Variants in EFCAB6 observed in about 807,000 individuals in gnomAD.
EFCAB6 encodes EF-hand calcium binding domain 6, also known as EF-hand calcium-binding domain-containing protein 6.
EFCAB6 carries 156 observed loss-of-function variants against 169.8 expected under a neutral mutation model. That is an observed-to-expected ratio of 0.92 (90% CI 0.81 to 1.05). The LOEUF is 1.05. Among genes scored for constraint, EFCAB6 ranks in the 50% least tolerant of loss-of-function variants. EFCAB6 has a pLI of 0.00. For missense variants in EFCAB6, 1,800 were observed against 1,829.1 expected (o/e 0.98, Z 0.29); for synonymous variants, 698 against 676.4 (o/e 1.03, Z -0.50).
intron 27 of EFCAB6, among the ~76,000 whole-genome samples, chr22:43,544,452 G>A (rs1160680956): frequency 1.3e-5 from 2 of 152,114 alleles, no homozygotes; most frequent in African/African-American, 4.8e-5. Flanking sequence ...AGACACAACA[G>A]ACACAACTGC....
At chr22:43,704,546 A>G (rs1447559864) in intron 10 of EFCAB6, among the ~76,000 whole-genome samples, 1 of 152,200 alleles carries the variant, frequency 6.6e-6, no homozygotes, top group Non-Finnish European at 1.5e-5. Flanking sequence ...AAAAGACAGA[A>G]CTATTAATAA....
chr22:43,571,361 T>G (rs911755348), intron 26 of EFCAB6, among the ~76,000 whole-genome samples: 1 of 152,232 alleles, frequency 6.6e-6, no homozygotes, highest in Non-Finnish European at 1.5e-5. Flanking sequence ...AGTTGCCGAC[T>G]GTCTTAATTA....
chr22:43,582,046 A>G (rs544785047), intron 24 of EFCAB6, among the ~76,000 whole-genome samples: 67 of 152,356 alleles, frequency 4.4e-4, no homozygotes, highest in African/African-American at 1.6e-3. Flanking sequence ...TGTGCAATGG[A>G]TCCTTATTAA....
intron 5 of EFCAB6, among the ~76,000 whole-genome samples, chr22:43,756,300 T>C (rs569166069): frequency 6.6e-5 from 10 of 152,144 alleles, no homozygotes; most frequent in Non-Finnish European, 1.3e-4. Flanking sequence ...CAGATCCAGC[T>C]CCTAACCTCT....
rs149074808 is a variant in EFCAB6, at chr22:43,555,011, C to T, written c.3506G>A (p.Arg1169His). ...ATGGGAAGTCACTGCTTTGTGGAGG[C>T]GAGCCAGGATGTCTCTGTCGGCTGT... ...KATADRDILA[R>H]LHKAVTSHYH... The change falls in exon 27 of 32, where the codon CGC becomes CAC. Residue 1169 changes from arginine to histidine, a missense_variant. Physicochemically the swap from Arg to His is conservative, Grantham distance 29. Coordinates refer to ENST00000262726, the MANE Select transcript of EFCAB6 (RefSeq NM_022785.4). The T allele has an allele frequency of 2.6e-5, 42 of 1,614,190 alleles. No homozygotes were observed. The highest frequency in any genetic ancestry group is 3.3e-4 in the Middle Eastern group (2 of 6,062).
At chr22:43,636,289 C>T (rs1226132139) in intron 17 of EFCAB6, among the ~76,000 whole-genome samples, 1 of 152,172 alleles carries the variant, frequency 6.6e-6, no homozygotes, top group Non-Finnish European at 1.5e-5. Context: ...GGTGGTGGAG[C>T]AGTGCAGCGG....
intron 6 of EFCAB6, among the ~76,000 whole-genome samples, chr22:43,747,037 C>G (rs574180644): frequency 1.3e-5 from 2 of 152,210 alleles, no homozygotes; most frequent in Non-Finnish European, 2.9e-5. Context: ...AAAGACAAAC[C>G]GCAGAAGACT....
chr22:43,547,745 A>G (rs1408160494), intron 27 of EFCAB6, among the ~76,000 whole-genome samples: 1 of 151,182 alleles, frequency 6.6e-6, no homozygotes, highest in African/African-American at 2.4e-5. Context: ...AGCCTGGGGA[A>G]AAAAAGAAAA....
chr22:43,802,388 G>A (rs1022172461), intron 2 of EFCAB6, among the ~76,000 whole-genome samples: 5 of 152,070 alleles, frequency 3.3e-5, no homozygotes, highest in African/African-American at 4.8e-5. Context: ...AAATTAGCCA[G>A]GCATGGTGGG....
intron 2 of EFCAB6, among the ~76,000 whole-genome samples, chr22:43,790,988 T>C (rs2062265790): frequency 6.6e-6 from 1 of 152,158 alleles, no homozygotes; most frequent in Non-Finnish European, 1.5e-5. Flanking sequence ...TTACAGAAGA[T>C]CAACACTTCC....
rs1014209619 is a variant in EFCAB6 at position 43,628,443 on chromosome 22, G to A, written c.2233-1764C>T. ...CTCGTGATGGCTCCCAGCTGCCATC[G>A]TCGGCTCCGTGGCCTCTGCTCTGTG... is the stretch of plus-strand genomic sequence containing the variant. On this transcript the variant is annotated intron_variant, in intron 19 of 31. Coordinates refer to ENST00000262726, the MANE Select transcript of EFCAB6 (RefSeq NM_022785.4). The surrounding 1 kb of genome is among the most constrained non-coding windows in gnomAD (Gnocchi z 4.8). Among the ~76,000 whole-genome samples, 9 of 152,110 alleles carry A rather than the reference G, an allele frequency of 5.9e-5. No individual in the cohort carries two copies. The highest frequency in any genetic ancestry group is 8.8e-5 in the Non-Finnish European group (6 of 68,032).
rs553236562 is a variant in EFCAB6 at position 43,545,930 on chromosome 22, G to C, written c.3649-5573C>G. ...TTCAGCCAAATATAAGCTCTTTCAT[G>C]AAATAAAAATCACTAAACACATGAA... On this transcript the variant is annotated intron_variant, in intron 27 of 31. Coordinates refer to ENST00000262726, the MANE Select transcript of EFCAB6 (RefSeq NM_022785.4). Among the ~76,000 whole-genome samples, 7 of 152,204 alleles carry C rather than the reference G, an allele frequency of 4.6e-5. 1 individual carries two copies. In the South Asian group the frequency reaches 1.2e-3, roughly 27 times the overall value.
Position 43,731,754 on chromosome 22 carries a change from C to T in EFCAB6, c.702G>A (p.Leu234=). The T allele has an allele frequency of 6.2e-7, 1 of 1,604,030 alleles. No individual in the cohort carries two copies. Among genetic ancestry groups the T allele is most frequent in the Non-Finnish European group, 8.5e-7 (1 of 1,176,798 alleles). ...KDTAVDYNVF[L]KNLSINNDLN... ...AGTCGTTATTTATGCTGAGATTCTT[C>T]AAAAACACGTTGTAATCTACTGCAG... Residue 234 remains leucine, a synonymous_variant, in exon 8 of 32, where the codon TTG becomes TTA. Transcript: ENST00000262726.
At chr22:43,779,698 C>T (rs150814564) in intron 3 of EFCAB6, among the ~76,000 whole-genome samples, 5,763 of 152,210 alleles carry the variant, frequency 0.038, 152 homozygotes, top group Non-Finnish European at 0.054. Flanking sequence ...CAAGATCGCA[C>T]CACTGCACTC....
At chr22:43,669,668 T>TG (rs1569351351) in intron 15 of EFCAB6, among the ~76,000 whole-genome samples, 8 of 152,318 alleles carry the variant, frequency 5.3e-5, no homozygotes, top group Non-Finnish European at 1.2e-4. Context: ...TTTATGGATA[T>TG]TGACATATGA....
At chr22:43,563,935 G>A (rs1569164273) in intron 26 of EFCAB6, among the ~76,000 whole-genome samples, 1 of 152,216 alleles carries the variant, frequency 6.6e-6, no homozygotes, top group Non-Finnish European at 1.5e-5. Flanking sequence ...GGTGAGCTCT[G>A]GGCAGCAGGG....
intron 10 of EFCAB6, among the ~76,000 whole-genome samples, chr22:43,704,068 T>C (rs1179419504): frequency 6.6e-6 from 1 of 151,808 alleles, no homozygotes; most frequent in African/African-American, 2.4e-5. Context: ...CAAGACAACA[T>C]AATAATCAAA....
At chr22:43,809,760 A>T (rs61291165) in intron 1 of EFCAB6, among the ~76,000 whole-genome samples, 4,944 of 152,138 alleles carry the variant, frequency 0.032, 177 homozygotes, top group African/African-American at 0.087. Flanking sequence ...GGTGCCTGCC[A>T]CCATGCCTGG....
chr22:43,672,852 G>A (rs978858808), intron 13 of EFCAB6, among the ~76,000 whole-genome samples: 10 of 151,490 alleles, frequency 6.6e-5, no homozygotes, highest in Admixed American at 1.3e-4. Flanking sequence ...TAACAAACCC[G>A]CATTTGTACC....
Sources: allele counts gnomAD v4.1 joint callset (sites outside exome capture counted in the v4.1 genomes callset), GRCh38; gene constraint gnomAD v4.1.1; non-coding constraint Gnocchi (gnomAD v3.1); transcripts MANE v1.5; gene names NCBI Gene and HGNC (gene_info 2026-07-23, HGNC 2026-07-21).